Variants in COQ8A observed in about 807,000 individuals in gnomAD.
COQ8A encodes coenzyme Q8A.
COQ8A carries 51 observed loss-of-function variants against 65.0 expected under a neutral mutation model. That is an observed-to-expected ratio of 0.78 (90% CI 0.63 to 0.99). The LOEUF (loss-of-function observed/expected upper bound fraction) is 0.99. Ranked by LOEUF, COQ8A falls within the 50% of genes least tolerant of loss-of-function variation. The pLI, the probability that COQ8A is intolerant of heterozygous loss-of-function variation, is 0.00. For missense variants in COQ8A, 940 were observed against 875.0 expected (o/e 1.07, Z -0.94); for synonymous variants, 371 against 353.2 (o/e 1.05, Z -0.57).
At chr1:226,968,313 C>T (rs924113937) in intron 4 of COQ8A, among the ~76,000 whole-genome samples, 5 of 151,994 alleles carry the variant, frequency 3.3e-5, no homozygotes, top group South Asian at 4.2e-4. Flanking sequence ...CCAGTGGGGG[C>T]GACAGAGTGA....
chr1:226,984,257 G>T (rs7530213), intron 11 of COQ8A, 22 bp downstream of exon 11: 4 of 1,612,432 alleles, frequency 2.5e-6, no homozygotes, highest in South Asian at 1.1e-5. Flanking sequence ...CCAGCAGACA[G>T]GTGGGGCCAG....
At chr1:226,967,652 G>C (rs1017893178) in intron 4 of COQ8A, among the ~76,000 whole-genome samples, 1 of 152,238 alleles carries the variant, frequency 6.6e-6, no homozygotes, top group African/African-American at 2.4e-5. Flanking sequence ...GAAAAAGGTA[G>C]AGAGCTCTCC....
intron 1 of COQ8A, among the ~76,000 whole-genome samples, chr1:226,953,626 G>T: frequency 6.6e-6 from 1 of 152,176 alleles, no homozygotes; most frequent in Non-Finnish European, 1.5e-5. Flanking sequence ...GCCTGTGCTG[G>T]GGCTCACTGA....
rs185374636 is a variant in COQ8A at position 226,986,425 on chromosome 1, G to A, written c.1660-28G>A. The A allele has an allele frequency of 4.0e-5, 64 of 1,608,690 alleles. No homozygotes were observed. In the African/African-American group the frequency reaches 6.4e-4, roughly 16 times the overall value. On this transcript the variant is annotated intron_variant, in intron 14 of 14. Coordinates refer to ENST00000366777, the MANE Select transcript of COQ8A (RefSeq NM_020247.5). ...TGGTGGAGGGCTCTGGTGTCTCGCC[G>A]CCATTTATCCTTCCTCTCTTGCCCC...
intron 4 of COQ8A, among the ~76,000 whole-genome samples, chr1:226,970,429 G>A (rs1658832207): frequency 1.3e-5 from 2 of 152,170 alleles, no homozygotes; most frequent in Non-Finnish European, 2.9e-5. Context: ...ACATGTTACT[G>A]TACTGAATAC....
At chr1:226,985,026 C>T in intron 13 of COQ8A, 85 bp downstream of exon 13, 1 of 1,527,274 alleles carries the variant, frequency 6.5e-7, no homozygotes, top group Non-Finnish European at 9.0e-7. Context: ...GGGAGAATGA[C>T]TGGGTTCCTG....
intron 5 of COQ8A, among the ~76,000 whole-genome samples, chr1:226,979,521 G>C (rs188568003): frequency 2.6e-5 from 4 of 152,128 alleles, no homozygotes; most frequent in African/African-American, 9.7e-5. Context: ...CCCTGGCCCC[G>C]GCCCATTCAG....
At chr1:226,963,783 T>A (rs1173617472) in intron 2 of COQ8A, among the ~76,000 whole-genome samples, 1 of 152,180 alleles carries the variant, frequency 6.6e-6, no homozygotes, top group Non-Finnish European at 1.5e-5. Context: ...TTTTGTATTT[T>A]TAGTAGAGAT....
In COQ8A at chr1:226,985,234, C is replaced by CCG; in HGVS notation, c.1573-19_1573-18insGC. The CCG allele has an allele frequency of 6.2e-7, 1 of 1,612,102 alleles. No homozygotes were observed. Among genetic ancestry groups the CCG allele is most frequent in the Non-Finnish European group, 8.5e-7 (1 of 1,179,418 alleles). On this transcript the variant is annotated intron_variant, in intron 13 of 14. Transcript: ENST00000366777. ...GAGCTTTTCATGCTGCCCACGGTCC[C>CCG]CTCCTGTGCCTCTCCCCAGATCATC...
intron 4 of COQ8A, among the ~76,000 whole-genome samples, chr1:226,968,171 A>T (rs2148070335): frequency 6.6e-6 from 1 of 152,162 alleles, no homozygotes; most frequent in East Asian, 1.9e-4. Context: ...AATTCCTACT[A>T]AAAAAATACA....
chr1:226,970,135 C>T (rs927594798), intron 4 of COQ8A, among the ~76,000 whole-genome samples: 3 of 152,100 alleles, frequency 2.0e-5, no homozygotes, highest in Non-Finnish European at 4.4e-5. Context: ...GTAGTTTTAG[C>T]GGAGACAGGG....
chr1:226,969,239 G>A (rs189289872), intron 4 of COQ8A, among the ~76,000 whole-genome samples: 66 of 152,258 alleles, frequency 4.3e-4, no homozygotes, highest in African/African-American at 1.5e-3. Context: ...CCTACTTTTA[G>A]TCTATTGACT....
chr1:226,975,206 G>C (rs1659119010), intron 4 of COQ8A: 1 of 152,256 alleles, frequency 6.6e-6, no homozygotes, highest in East Asian at 1.9e-4. Flanking sequence ...CGGGGACTGT[G>C]TCTCCCAGCT....
intron 5 of COQ8A, 29 bp downstream of exon 5, chr1:226,977,552 A>C: frequency 6.5e-7 from 1 of 1,547,470 alleles, no homozygotes; most frequent in Non-Finnish European, 8.7e-7. Flanking sequence ...TGGGAGGGGC[A>C]GGGTGGGCCC....
rs894977586 is a variant in COQ8A, at chr1:226,986,623, C to T, written c.1830C>T (p.His610=). ...CACCCGAGGAAACCTACTCCCTGCA[C>T]AGGAAGATGGGGGGCTCCTTCCTCA... ...VPPPEETYSL[H]RKMGGSFLIC... Residue 610 remains histidine (H), a synonymous_variant, in exon 15 of 15, where the codon CAC becomes CAT. Transcript: ENST00000366777. 2.5e-6 allele frequency: 4 copies of T among 1,613,924 alleles called. No homozygotes were observed. The highest frequency in any genetic ancestry group is 3.4e-6 in the Non-Finnish European group (4 of 1,180,014).
At chr1:226,976,075 G>A (rs945218713) in intron 4 of COQ8A, among the ~76,000 whole-genome samples, 1 of 149,634 alleles carries the variant, frequency 6.7e-6, no homozygotes, top group Non-Finnish European at 1.5e-5. Context: ...GGGCTGTGGC[G>A]CTGCGATGTT....
At chr1:226,984,316 G>T in intron 11 of COQ8A, 81 bp downstream of exon 11, 9 of 1,592,382 alleles carry the variant, frequency 5.7e-6, no homozygotes, top group Non-Finnish European at 6.0e-6. Flanking sequence ...GTGAGCTGGG[G>T]ACTTGGAGCC....
intron 2 of COQ8A, among the ~76,000 whole-genome samples, chr1:226,962,368 T>G (rs1658303120): frequency 6.6e-6 from 1 of 152,216 alleles, no homozygotes. Context: ...AGGGGTGATT[T>G]TCAGTGAAAT....
rs375123701 is a variant in COQ8A at position 226,982,085 on chromosome 1, C to T, written c.789C>T (p.Ile263=). 5.1e-5 allele frequency: 82 copies of T among 1,612,434 alleles called. No homozygotes were observed. The highest frequency in any genetic ancestry group is 5.8e-5 in the Non-Finnish European group (69 of 1,179,926). The part of the protein sequence containing the change: ...PFLSEANAER[I]VRTLCKVRGA... ...TGTCCGAGGCCAATGCAGAGCGGAT[C>T]GTGCGCACGCTCTGCAAGGTGCGTG... is the stretch of plus-strand genomic sequence containing the variant. The change falls in exon 6 of 15, where the codon ATC becomes ATT. Residue 263 remains isoleucine (I), a synonymous_variant. Coordinates refer to ENST00000366777, the MANE Select transcript of COQ8A (RefSeq NM_020247.5).
Sources: allele counts gnomAD v4.1 joint callset (sites outside exome capture counted in the v4.1 genomes callset), GRCh38; gene constraint gnomAD v4.1.1; transcripts MANE v1.5; gene names NCBI Gene and HGNC (gene_info 2026-07-23, HGNC 2026-07-21).